The following SLC4A4 variants were observed in gnomAD, a reference collection of about 807,000 sequenced individuals.
SLC4A4 encodes the protein solute carrier family 4 member 4, also known as electrogenic sodium bicarbonate cotransporter 1.
Under a neutral mutation model 111.5 loss-of-function variants are expected in SLC4A4, and 27 were observed. The ratio of observed to expected loss-of-function variants is 0.24; its 90% CI spans 0.18 to 0.33. SLC4A4 has a LOEUF of 0.33. Among genes scored for constraint, SLC4A4 ranks in the 10% least tolerant of loss-of-function variants. The pLI, the probability that SLC4A4 is intolerant of heterozygous loss-of-function variation, is 1.00. For missense variants in SLC4A4, 909 were observed against 1,315.5 expected, an observed-to-expected ratio of 0.69 and a Z score of 4.78; for synonymous variants, 443 against 463.4, an observed-to-expected ratio of 0.96 and a Z score of 0.57.
chr4:71,336,766 T>C (rs926502944), intron 3 of SLC4A4, among the ~76,000 whole-genome samples: 1 of 152,246 alleles, frequency 6.6e-6, no homozygotes, highest in Admixed American at 6.5e-5. Context: ...CTTGTTTATG[T>C]TGATTAATTC....
At chr4:71,098,503 A>G (rs564927547) in intron 2 of SLC4A4, among the ~76,000 whole-genome samples, 1 of 152,314 alleles carries the variant, frequency 6.6e-6, no homozygotes, top group African/African-American at 2.4e-5. Flanking sequence ...TGCCTTGGCT[A>G]TTCAGATTCT....
upstream of SLC4A4, among the ~76,000 whole-genome samples, chr4:71,185,998 C>T (rs62302434): frequency 2.8e-3 from 431 of 152,256 alleles, 1 homozygote; most frequent in South Asian, 7.5e-3. Flanking sequence ...TGGTTGCAAT[C>T]CATTAAGTGA....
chr4:71,456,540 G>A (rs1019702674), intron 12 of SLC4A4, among the ~76,000 whole-genome samples: 9 of 152,092 alleles, frequency 5.9e-5, no homozygotes, highest in African/African-American at 1.9e-4. Flanking sequence ...TTCTTGACCT[G>A]GGACCAGGAT....
At chr4:71,135,915 C>G (rs1369655443) in intron 2 of SLC4A4, among the ~76,000 whole-genome samples, 4 of 152,206 alleles carry the variant, frequency 2.6e-5, no homozygotes, top group African/African-American at 9.6e-5. Context: ...CCTAGCCAGT[C>G]TCCTGAAAGA....
chr4:71,406,379 T>C (rs1720856341), intron 7 of SLC4A4, among the ~76,000 whole-genome samples: 1 of 151,942 alleles, frequency 6.6e-6, no homozygotes. Flanking sequence ...CCAATTTCCC[T>C]CTTAATAGGG....
chr4:71,476,602 G>T (rs1317509685), intron 14 of SLC4A4, among the ~76,000 whole-genome samples: 2 of 151,644 alleles, frequency 1.3e-5, no homozygotes, highest in African/African-American at 4.8e-5. Flanking sequence ...ATATGTGTGT[G>T]CTTTGTCAAG....
Position 71,488,926 on chromosome 4 carries a change from GT to G in SLC4A4, c.1974+1909del, listed in dbSNP as rs1247117496. Among the ~76,000 whole-genome samples, 17 of 150,718 alleles carry G rather than the reference GT, an allele frequency of 1.1e-4. No homozygotes were observed. In the East Asian group the frequency reaches 2.2e-3, roughly 20 times the overall value. Reference sequence around the variant, plus strand: ...TGTGTGTGTGTGTGTGTGTGTGTGTGTGGTCATGAAGGCCAACTTTTATTTT... The same window carrying G: ...TGTGTGTGTGTGTGTGTGTGTGTGTGGGTCATGAAGGCCAACTTTTATTTT... On this transcript the variant is annotated intron_variant, in intron 15 of 25. Transcript: ENST00000264485.
At chr4:71,308,416 G>A (rs929388686) in intron 3 of SLC4A4, among the ~76,000 whole-genome samples, 1 of 152,154 alleles carries the variant, frequency 6.6e-6, no homozygotes, top group Non-Finnish European at 1.5e-5. Flanking sequence ...GTCATTAAGA[G>A]TTTATGGAGA....
Position 71,450,560 on chromosome 4 carries a change from T to A in SLC4A4, c.1208+17T>A. On this transcript the variant is annotated intron_variant, in intron 10 of 25. Coordinates refer to ENST00000264485, the MANE Select transcript of SLC4A4 (RefSeq NM_001098484.3). ...TGACAAAAGGTAAATTATAGGCAGT[T>A]GATAATTTTCAGTAGCTGAGATGAC... 6.2e-7 allele frequency: 1 copy of A among 1,610,782 alleles called. No individual in the cohort carries two copies. The highest frequency in any genetic ancestry group is 1.7e-5 in the Admixed American group (1 of 59,708).
intron 2 of SLC4A4, among the ~76,000 whole-genome samples, chr4:71,142,724 C>T (rs894457383): frequency 2.7e-5 from 4 of 148,556 alleles, no homozygotes; most frequent in Admixed American, 2.7e-4. Flanking sequence ...GAATGCAACT[C>T]TCTCCAGCCA....
chr4:71,515,345 A>G (rs182305881), intron 16 of SLC4A4, among the ~76,000 whole-genome samples: 1 of 152,272 alleles, frequency 6.6e-6, no homozygotes, highest in Non-Finnish European at 1.5e-5. Context: ...TATAGTTGAT[A>G]TGATTTTCAT....
chr4:71,256,817 C>T (rs960178151), intron 3 of SLC4A4, among the ~76,000 whole-genome samples: 11 of 152,316 alleles, frequency 7.2e-5, no homozygotes, highest in Admixed American at 7.2e-4. Flanking sequence ...ATCCATCTGT[C>T]AAGGCCTGAG....
At chr4:71,102,262 G>A (rs1209663329) in intron 2 of SLC4A4, among the ~76,000 whole-genome samples, 2 of 149,384 alleles carry the variant, frequency 1.3e-5, no homozygotes, top group East Asian at 2.0e-4. Flanking sequence ...CAAGAAATAT[G>A]GGACTATGTG....
At chr4:71,459,226 G>A (rs1328097266) in intron 12 of SLC4A4, among the ~76,000 whole-genome samples, 1 of 151,852 alleles carries the variant, frequency 6.6e-6, no homozygotes, top group Non-Finnish European at 1.5e-5. Flanking sequence ...ATTTAGGCAG[G>A]GATGTGGGGA....
At chr4:71,368,535 T>C (rs1347671575) in intron 6 of SLC4A4, among the ~76,000 whole-genome samples, 1 of 152,198 alleles carries the variant, frequency 6.6e-6, no homozygotes, top group Non-Finnish European at 1.5e-5. Context: ...AAATGTTGCT[T>C]TCTCCATTTG....
intron 1 of SLC4A4, among the ~76,000 whole-genome samples, chr4:71,207,521 C>A (rs2579305): frequency 6.6e-6 from 1 of 152,030 alleles, no homozygotes; most frequent in Non-Finnish European, 1.5e-5. Flanking sequence ...TTAACTTTCA[C>A]TTGTTTACAA....
chr4:71,279,377 A>G (rs1010563384), intron 3 of SLC4A4, among the ~76,000 whole-genome samples: 1 of 152,140 alleles, frequency 6.6e-6, no homozygotes, highest in African/African-American at 2.4e-5. Context: ...CACTAAACAT[A>G]ATATCCTCCA....
chr4:71,190,385 T>TACACACACAC (rs5859253), intron 1 of SLC4A4, among the ~76,000 whole-genome samples: 25 of 143,774 alleles, frequency 1.7e-4, no homozygotes, highest in African/African-American at 5.4e-4. Flanking sequence ...TATGTATGTT[T>TACACACACAC]ACACACACAC....
intron 7 of SLC4A4, among the ~76,000 whole-genome samples, chr4:71,412,521 T>C (rs752691389): frequency 1.3e-5 from 2 of 152,236 alleles, no homozygotes; most frequent in African/African-American, 4.8e-5. Flanking sequence ...GGATGAATTA[T>C]ATAGGAAATT....
Sources: allele counts gnomAD v4.1 joint callset (sites outside exome capture counted in the v4.1 genomes callset), GRCh38; gene constraint gnomAD v4.1.1; transcripts MANE v1.5; gene names NCBI Gene and HGNC (gene_info 2026-07-23, HGNC 2026-07-21).